The following CSMD1 variants were observed in gnomAD, a reference collection of about 807,000 sequenced individuals.
CSMD1 encodes CUB and sushi domain-containing protein 1.
CSMD1 carries 213 observed loss-of-function variants against 417.5 expected under a neutral mutation model. The ratio of observed to expected loss-of-function variants is 0.51; its 90% CI spans 0.46 to 0.57. The LOEUF (loss-of-function observed/expected upper bound fraction) is 0.57, where lower values mean the gene tolerates loss of function less well. CSMD1 is among the 20% of genes least tolerant of loss of function. The pLI, the probability that CSMD1 is intolerant of heterozygous loss-of-function variation, is 0.00. For synonymous variants in CSMD1, 2,862 were observed against 1,736.8 expected (o/e 1.65, Z -16.11); for missense variants, 6,923 against 4,529.7 (o/e 1.53, Z -15.17).
intron 10 of CSMD1, among the ~76,000 whole-genome samples, chr8:3,506,898 G>T (rs1041591768): frequency 6.6e-6 from 1 of 152,198 alleles, no homozygotes; most frequent in East Asian, 1.9e-4. Flanking sequence ...CGGATAATTT[G>T]AAAATAAATA....
At chr8:3,203,523 T>A (rs1290502473) in intron 31 of CSMD1, among the ~76,000 whole-genome samples, 3 of 152,116 alleles carry the variant, frequency 2.0e-5, no homozygotes, top group Non-Finnish European at 4.4e-5. Context: ...GAATGGAATA[T>A]AAGAAATTAT....
intron 3 of CSMD1, among the ~76,000 whole-genome samples, chr8:4,165,446 G>A (rs956178624): frequency 7.9e-5 from 12 of 152,128 alleles, no homozygotes; most frequent in African/African-American, 1.9e-4. Flanking sequence ...ATGCTATGTC[G>A]CCCAGGCTGA....
At chr8:3,817,142 C>G (rs77933323) in intron 5 of CSMD1, among the ~76,000 whole-genome samples, 4 of 150,748 alleles carry the variant, frequency 2.7e-5, no homozygotes, top group African/African-American at 9.8e-5. Context: ...GATGAAGGGA[C>G]ATGTGTTCCT....
intron 10 of CSMD1, among the ~76,000 whole-genome samples, chr8:3,493,984 G>A (rs1036945357): frequency 1.3e-5 from 2 of 152,098 alleles, no homozygotes; most frequent in African/African-American, 2.4e-5. Flanking sequence ...TTTAACCTCT[G>A]CAACACTTTA....
chr8:4,218,333 A>C (rs1255561021), intron 3 of CSMD1, among the ~76,000 whole-genome samples: 2 of 152,192 alleles, frequency 1.3e-5, no homozygotes, highest in Non-Finnish European at 2.9e-5. Flanking sequence ...ATTAATGCAG[A>C]ATATTCAAAC....
intron 3 of CSMD1, among the ~76,000 whole-genome samples, chr8:4,125,191 T>C (rs1236764051): frequency 6.6e-6 from 1 of 152,082 alleles, no homozygotes; most frequent in Non-Finnish European, 1.5e-5. Context: ...GCCCCAAAAT[T>C]ACTAAACTAA....
chr8:4,419,427 A>G (rs1267071411), intron 3 of CSMD1, among the ~76,000 whole-genome samples: 1 of 152,188 alleles, frequency 6.6e-6, no homozygotes, highest in Admixed American at 6.6e-5. Context: ...GCAATACCTC[A>G]AAGGTATCTA....
intron 5 of CSMD1, among the ~76,000 whole-genome samples, chr8:3,815,793 T>A (rs1036255177): frequency 1.3e-5 from 2 of 152,238 alleles, no homozygotes; most frequent in South Asian, 4.1e-4. Flanking sequence ...AGTAGTGAGC[T>A]AGTGAACGGG....
At chr8:3,637,972 G>C (rs1665003852) in intron 7 of CSMD1, among the ~76,000 whole-genome samples, 1 of 152,146 alleles carries the variant, frequency 6.6e-6, no homozygotes, top group Admixed American at 6.5e-5. Flanking sequence ...CCATGATTGT[G>C]AGGCCTCCTC....
chr8:4,445,010 G>A (rs1468562846), intron 2 of CSMD1, among the ~76,000 whole-genome samples: 1 of 152,164 alleles, frequency 6.6e-6, no homozygotes, highest in African/African-American at 2.4e-5. Context: ...ATTTTCAGGT[G>A]TTAAAATGAA....
At chr8:3,805,616 T>C (rs1243871653) in intron 5 of CSMD1, among the ~76,000 whole-genome samples, 1 of 152,200 alleles carries the variant, frequency 6.6e-6, no homozygotes, top group Non-Finnish European at 1.5e-5. Context: ...GTTATACCTG[T>C]AGAAAGGATA....
At chr8:3,708,534 G>C (rs75118462) in intron 6 of CSMD1, 43 bp from the exon 7 acceptor site, 88,670 of 1,547,506 alleles carry the variant, frequency 0.057, 2,916 homozygotes, top group South Asian at 0.076. Flanking sequence ...AAGACTTGGA[G>C]ATCATAAAAC....
At chr8:4,677,065 G>C (rs1361818025) in intron 1 of CSMD1, among the ~76,000 whole-genome samples, 2 of 142,104 alleles carry the variant, frequency 1.4e-5, no homozygotes, top group African/African-American at 5.1e-5. Flanking sequence ...ATTATATATA[G>C]AGATATGATA....
At chr8:4,627,925 G>A (rs1302230559) in intron 2 of CSMD1, among the ~76,000 whole-genome samples, 1 of 152,034 alleles carries the variant, frequency 6.6e-6, no homozygotes, top group African/African-American at 2.4e-5. Context: ...GTCCACTGCA[G>A]GACGATGATC....
intron 5 of CSMD1, among the ~76,000 whole-genome samples, chr8:3,939,052 G>A (rs769132835): frequency 9.2e-5 from 14 of 151,998 alleles, no homozygotes; most frequent in Admixed American, 2.0e-4. Flanking sequence ...AGTAATTATT[G>A]AGCCAACAGT....
rs532848772 is a variant in CSMD1 at position 4,163,149 on chromosome 8, G to C, written c.416-131050C>G. 2.6e-5 allele frequency among the ~76,000 whole-genome samples: 4 copies of C among 152,268 alleles called. No homozygotes were observed. The South Asian group carries it at 8.3e-4, about 32-fold the overall frequency. ...ATTTCACCTACCGAAGTACACTTTG[G>C]TTGCTTCCAGATTTTGGCAACCAAG... On this transcript the variant is annotated intron_variant, in intron 3 of 69. Transcript: ENST00000635120.
chr8:3,680,360 C>A (rs1375033128), intron 7 of CSMD1, among the ~76,000 whole-genome samples: 1 of 152,080 alleles, frequency 6.6e-6, no homozygotes, highest in African/African-American at 2.4e-5. Flanking sequence ...GGTATATCAC[C>A]ACTGATCCCA....
chr8:3,107,707 G>C lies in CSMD1; in HGVS notation c.6835+11C>G, dbSNP rs374405991. 2.1e-5 allele frequency: 32 copies of C among 1,503,652 alleles called. No individual in the cohort carries two copies. The East Asian group carries it at 6.1e-4, about 29-fold the overall frequency. The allele number at this position is 1,503,652 out of a possible 1,614,324, so 93.1% of individuals were successfully genotyped here. On this transcript the variant is annotated intron_variant, in intron 45 of 69. Transcript: ENST00000635120. ...GCTGAATTCATGGTATTGTAATGAA[G>C]AAAGTATTACCTATTTCGAAATCAT... is the stretch of plus-strand genomic sequence containing the variant.
At chr8:3,948,931 G>C (rs921302160) in intron 5 of CSMD1, among the ~76,000 whole-genome samples, 7 of 152,114 alleles carry the variant, frequency 4.6e-5, no homozygotes, top group Admixed American at 2.6e-4. Context: ...AAAAGCATTA[G>C]TAGAATAACT....
Sources: allele counts gnomAD v4.1 joint callset (sites outside exome capture counted in the v4.1 genomes callset), GRCh38; gene constraint gnomAD v4.1.1; transcripts MANE v1.5; gene names NCBI Gene and HGNC (gene_info 2026-07-23, HGNC 2026-07-21).